SYNDIG1: variants seen among roughly 807,000 people sequenced by gnomAD.
SYNDIG1 encodes synapse differentiation inducing 1.
Under a neutral mutation model 19.4 loss-of-function variants are expected in SYNDIG1, and 9 were observed. The observed-to-expected ratio is 0.46, with a 90% CI of 0.28 to 0.81. The LOEUF (loss-of-function observed/expected upper bound fraction) is 0.81, where lower values mean the gene tolerates loss of function less well. Ranked by LOEUF, SYNDIG1 falls within the 30% of genes least tolerant of loss-of-function variation. SYNDIG1 has a pLI of 0.12. For missense variants in SYNDIG1, 311 were observed against 343.3 expected, an observed-to-expected ratio of 0.91 and a Z score of 0.74; for synonymous variants, 141 against 145.9, an observed-to-expected ratio of 0.97 and a Z score of 0.24.
chr20:24,536,613 C>G (rs543436882), intron 1 of SYNDIG1, among the ~76,000 whole-genome samples: 1 of 152,188 alleles, frequency 6.6e-6, no homozygotes, highest in African/African-American at 2.4e-5. Context: ...TCAGGTGAGC[C>G]AAGCTGAACA....
chr20:24,533,075 C>T (rs750706501), intron 1 of SYNDIG1, among the ~76,000 whole-genome samples: 15 of 152,072 alleles, frequency 9.9e-5, no homozygotes, highest in Admixed American at 1.3e-4. Flanking sequence ...TAGATTACTC[C>T]GCCTTCTGAG....
intron 3 of SYNDIG1, among the ~76,000 whole-genome samples, chr20:24,625,216 T>A (rs1381191040): frequency 6.6e-6 from 1 of 152,020 alleles, no homozygotes; most frequent in Non-Finnish European, 1.5e-5. Context: ...GGGAAAAATG[T>A]AGAGAAAAAC....
At chr20:24,517,792 G>C (rs574749461) in intron 1 of SYNDIG1, among the ~76,000 whole-genome samples, 1 of 139,994 alleles carries the variant, frequency 7.1e-6, no homozygotes, top group East Asian at 2.1e-4. Context: ...CATTTTTTTT[G>C]AAAAAATATT....
intron 3 of SYNDIG1, among the ~76,000 whole-genome samples, chr20:24,625,812 C>T (rs2059116868): frequency 6.6e-6 from 1 of 152,274 alleles, no homozygotes; most frequent in Non-Finnish European, 1.5e-5. Context: ...TTTTCCCCAC[C>T]TTTCCCCCTT....
intron 3 of SYNDIG1, among the ~76,000 whole-genome samples, chr20:24,612,449 A>G (rs1316157346): frequency 6.6e-6 from 1 of 152,218 alleles, no homozygotes; most frequent in Non-Finnish European, 1.5e-5. Flanking sequence ...AGCAGTCTGC[A>G]CTATTATTCA....
At chr20:24,552,809 C>T (rs1054523942) in intron 2 of SYNDIG1, among the ~76,000 whole-genome samples, 19 of 152,252 alleles carry the variant, frequency 1.2e-4, no homozygotes, top group Middle Eastern at 3.4e-3. Flanking sequence ...ACTTATAATC[C>T]TTTGGGTATA....
At chr20:24,569,059 G>A (rs191095086) in intron 2 of SYNDIG1, among the ~76,000 whole-genome samples, 69 of 152,252 alleles carry the variant, frequency 4.5e-4, no homozygotes, top group African/African-American at 1.5e-3. Context: ...GGTGTCCCTC[G>A]AGAGCCCGCC....
intron 2 of SYNDIG1, among the ~76,000 whole-genome samples, chr20:24,547,389 C>A (rs559869812): frequency 7.2e-5 from 11 of 152,348 alleles, no homozygotes; most frequent in Non-Finnish European, 1.5e-4. Flanking sequence ...GGTTCTATGG[C>A]TAACTTTGAG....
At chr20:24,624,204 C>G (rs112107607) in intron 3 of SYNDIG1, among the ~76,000 whole-genome samples, 1 of 143,816 alleles carries the variant, frequency 7.0e-6, no homozygotes, top group Non-Finnish European at 1.5e-5. Context: ...TGCAATGAGC[C>G]GAGATCCTGC....
intron 1 of SYNDIG1, among the ~76,000 whole-genome samples, chr20:24,484,204 G>A (rs141301977): frequency 2.6e-5 from 4 of 152,208 alleles, no homozygotes; most frequent in African/African-American, 9.6e-5. Flanking sequence ...GGGAATTTTG[G>A]AGGGGTCGGC....
At chr20:24,649,196 G>T (rs1357934254) in intron 3 of SYNDIG1, among the ~76,000 whole-genome samples, 5 of 152,146 alleles carry the variant, frequency 3.3e-5, no homozygotes, top group African/African-American at 1.2e-4. Flanking sequence ...GATGGGCAGG[G>T]TGCCCTACAG....
At chr20:24,513,836 A>G (rs2056803380) in intron 1 of SYNDIG1, among the ~76,000 whole-genome samples, 1 of 152,222 alleles carries the variant, frequency 6.6e-6, no homozygotes, top group African/African-American at 2.4e-5. Context: ...GATTCACCAA[A>G]GTTGAAATGA....
intron 1 of SYNDIG1, among the ~76,000 whole-genome samples, chr20:24,497,025 C>T (rs2056320651): frequency 6.6e-6 from 1 of 152,190 alleles, no homozygotes. Context: ...GCTTAATTTA[C>T]TATTTCATTG....
chr20:24,549,807 G>T (rs867748091), intron 2 of SYNDIG1, among the ~76,000 whole-genome samples: 6 of 152,162 alleles, frequency 3.9e-5, no homozygotes. Context: ...GGTTTTCAGT[G>T]GGATGGATGT....
At chr20:24,475,500 T>C (rs868280040) in intron 1 of SYNDIG1, among the ~76,000 whole-genome samples, 3 of 152,214 alleles carry the variant, frequency 2.0e-5, no homozygotes, top group Non-Finnish European at 4.4e-5. Flanking sequence ...ACAGGACCAG[T>C]AGGGCAGTTG....
chr20:24,536,595 C>T (rs1237902443), intron 1 of SYNDIG1, among the ~76,000 whole-genome samples: 1 of 152,148 alleles, frequency 6.6e-6, no homozygotes, highest in Non-Finnish European at 1.5e-5. Flanking sequence ...CGGGTTACGC[C>T]TGCTTACTCA....
At chr20:24,567,500 C>G (rs1354150116) in intron 2 of SYNDIG1, among the ~76,000 whole-genome samples, 1 of 152,198 alleles carries the variant, frequency 6.6e-6, no homozygotes, top group Non-Finnish European at 1.5e-5. Flanking sequence ...CTCCTGGGTC[C>G]CCCGTCACTC....
intron 1 of SYNDIG1, among the ~76,000 whole-genome samples, chr20:24,493,884 GTA>G (rs1484558339): frequency 1.3e-5 from 2 of 152,224 alleles, no homozygotes; most frequent in South Asian, 4.1e-4. Flanking sequence ...AGCTCAGTAG[GTA>G]GTGAGAGAAG....
chr20:24,557,572 C>G (rs191649746), intron 2 of SYNDIG1, among the ~76,000 whole-genome samples: 2,812 of 152,284 alleles, frequency 0.018, 43 homozygotes, highest in African/African-American at 0.045. Context: ...GAGGTCCACT[C>G]CAGACCCTGT....
Sources: allele counts gnomAD v4.1 joint callset (sites outside exome capture counted in the v4.1 genomes callset), GRCh38; gene constraint gnomAD v4.1.1; transcripts MANE v1.5; gene names NCBI Gene and HGNC (gene_info 2026-07-23, HGNC 2026-07-21).